Variants in TBX1 observed in about 807,000 individuals in gnomAD.
The protein encoded by TBX1 is T-box transcription factor TBX1.
In TBX1, 16 loss-of-function variants were observed where a neutral mutation model predicts 40.8. The observed-to-expected ratio is 0.39, with a 90% CI of 0.27 to 0.60. TBX1 has a LOEUF of 0.60. Ranked by LOEUF, TBX1 falls within the 20% of genes least tolerant of loss-of-function variation. The pLI, the probability that TBX1 is intolerant of heterozygous loss-of-function variation, is 0.51. For missense variants in TBX1, 755 were observed against 728.5 expected (o/e 1.04, Z -0.42); for synonymous variants, 403 against 336.8 (o/e 1.20, Z -2.15).
chr22:19,762,683 G>C (rs1401245315), intron 1 of TBX1, among the ~76,000 whole-genome samples: 7 of 152,094 alleles, frequency 4.6e-5, no homozygotes, highest in Non-Finnish European at 1.0e-4. Context: ...CTTATCATGG[G>C]GCCATGATAG....
chr22:19,766,331 C>T (rs1221004873), intron 6 of TBX1, 58 bp from the exon 7 acceptor site: 2 of 1,234,978 alleles, frequency 1.6e-6, no homozygotes, highest in Non-Finnish European at 2.0e-6. Context: ...TCGCATGGGG[C>T]GTCGGAGCTC....
At chr22:19,769,505 G>A (rs899589335), downstream of TBX1, among the ~76,000 whole-genome samples, 4 of 152,228 alleles carry the variant, frequency 2.6e-5, no homozygotes, top group Non-Finnish European at 4.4e-5. Context: ...GGCAGCTTCC[G>A]CTGGCTGTGT....
At chr22:19,758,382 G>C (rs1271911842), upstream of TBX1, among the ~76,000 whole-genome samples, 2 of 152,222 alleles carry the variant, frequency 1.3e-5, no homozygotes, top group African/African-American at 4.8e-5. Context: ...GAGAGGCCCT[G>C]TACAGGAAAG....
At chr22:19,776,637 C>T (rs1171776085) in intron 8 of TBX1, among the ~76,000 whole-genome samples, 1 of 152,160 alleles carries the variant, frequency 6.6e-6, no homozygotes, top group African/African-American at 2.4e-5. Context: ...AAAAGCAGAA[C>T]CGCATGTGAT....
chr22:19,766,501 C>T lies in TBX1; in HGVS notation c.1149C>T (p.Pro383=). ...CCCGGGTGCTAAGCCCCTCGCTGCC[C>T]GGGGCCGGCGGCGCCGGCGGCTTAG... The part of the protein sequence containing the change: ...LLARVLSPSL[P]GAGGAGGLVP... The change falls in exon 7 of 7, where the codon CCC becomes CCT. Residue 383 remains proline (P), a synonymous_variant. Transcript: ENST00000649276. 7.6e-7 allele frequency: 1 copy of T among 1,309,500 alleles called. No homozygotes were observed. Among genetic ancestry groups the T allele is most frequent in the South Asian group, 2.1e-5 (1 of 47,836 alleles). 81.1% of individuals were successfully genotyped at this position (1,309,500 alleles called of 1,614,324 possible). A position where few individuals can be genotyped will look rare whatever the true frequency, so the allele number is the denominator to read the frequency against.
At chr22:19,770,041 G>A (rs932289671), downstream of TBX1, among the ~76,000 whole-genome samples, 2 of 152,218 alleles carry the variant, frequency 1.3e-5, no homozygotes, top group East Asian at 1.9e-4. Context: ...TAGGGGGCTC[G>A]TCCCACCGCT....
downstream of TBX1, chr22:19,783,057 C>A: frequency 1.2e-6 from 1 of 815,196 alleles, no homozygotes; most frequent in Non-Finnish European, 2.2e-6. Context: ...CTGTGCCCAG[C>A]CCCTGAATGA....
intron 2 of TBX1, 104 bp from the exon 3 acceptor site, chr22:19,764,051 G>A (rs1569021032): frequency 5.3e-6 from 7 of 1,317,656 alleles, no homozygotes; most frequent in Non-Finnish European, 7.4e-6. Context: ...CAATCTCACA[G>A]GTGGGGAAAC....
At chr22:19,773,940 G>T (rs1304332100) in intron 8 of TBX1, among the ~76,000 whole-genome samples, 1 of 152,260 alleles carries the variant, frequency 6.6e-6, no homozygotes, top group Non-Finnish European at 1.5e-5. Context: ...TATTCCAGTA[G>T]TAGCTGTTTC....
intron 6 of TBX1, 97 bp downstream of exon 6, chr22:19,766,099 C>A (rs1936831499): frequency 9.2e-7 from 1 of 1,083,232 alleles, no homozygotes; most frequent in Non-Finnish European, 1.2e-6. Context: ...CCGGGGCGCT[C>A]CAGGCTTTCG....
At chr22:19,773,101 G>A (rs567189618) in intron 8 of TBX1, among the ~76,000 whole-genome samples, 2 of 152,226 alleles carry the variant, frequency 1.3e-5, no homozygotes, top group Non-Finnish European at 2.9e-5. Context: ...TTACGAGCAC[G>A]GGCGTTGAGC....
chr22:19,757,871 CAG>C, upstream of TBX1, among the ~76,000 whole-genome samples: 1 of 152,324 alleles, frequency 6.6e-6, no homozygotes, highest in Middle Eastern at 3.4e-3. Flanking sequence ...AATGACTACT[CAG>C]GGCAAGAAAA....
intron 3 of TBX1, among the ~76,000 whole-genome samples, 185 bp from the exon 4 acceptor site, chr22:19,764,773 C>G (rs1029025558): frequency 2.0e-4 from 30 of 152,344 alleles, no homozygotes; most frequent in African/African-American, 7.2e-4. Flanking sequence ...TCATTCCTGG[C>G]AGTTGCCAAT....
Position 19,766,639 on chromosome 22 carries a change from C to T in TBX1, c.1287C>T (p.Ala429=), listed in dbSNP as rs371557427. 8 of 1,551,204 alleles carry T rather than the reference C, an allele frequency of 5.2e-6. No homozygotes were observed. Among genetic ancestry groups the T allele is most frequent in the Admixed American group, 1.8e-5 (1 of 55,634 alleles). ...PLHHHPYKYP[A]AAYDHYLGAK... is the part of the protein sequence containing the mutation. The stretch of plus-strand genomic sequence containing the variant: ...ACCACCACCCCTACAAATATCCGGC[C>T]GCCGCCTACGACCACTATCTCGGGG... Residue 429 remains alanine (A), a synonymous_variant, in exon 7 of 7, where the codon GCC becomes GCT. Coordinates refer to ENST00000649276, the MANE Select transcript of TBX1 (RefSeq NM_001379200.1).
At chr22:19,758,672 G>A (rs72646939), upstream of TBX1, among the ~76,000 whole-genome samples, 470 of 152,174 alleles carry the variant, frequency 3.1e-3, no homozygotes, top group Non-Finnish European at 4.1e-3. Flanking sequence ...CTCCGCCCCC[G>A]GCCCTCCCTG....
chr22:19,768,172 C>T (rs1018293427), downstream of TBX1, among the ~76,000 whole-genome samples: 1 of 152,148 alleles, frequency 6.6e-6, no homozygotes, highest in African/African-American at 2.4e-5. Context: ...TGCACGTGGC[C>T]GAGGCTCTGT....
downstream of TBX1, among the ~76,000 whole-genome samples, chr22:19,782,131 A>AT (rs763185227): frequency 7.9e-5 from 12 of 152,212 alleles, no homozygotes; most frequent in Non-Finnish European, 1.6e-4. Flanking sequence ...TGTTTTAGCT[A>AT]TTAAGGGGTC....
At chr22:19,758,058 G>A (rs1017770033), upstream of TBX1, among the ~76,000 whole-genome samples, 2 of 152,078 alleles carry the variant, frequency 1.3e-5, no homozygotes, top group Non-Finnish European at 2.9e-5. Flanking sequence ...ACTCACATGC[G>A]TTCCTGAACC....
Position 19,765,112 on chromosome 22 carries a change from G to A in TBX1, c.866G>A (p.Arg289Gln), listed in dbSNP as rs780800634. Residue 289 changes from arginine (R) to glutamine (Q), a missense_variant and splice_region_variant, in exon 4 of 7, where the codon CGG becomes CAG. Around this residue, in one of 3 missense-constraint regions of TBX1, gnomAD observed 144 missense variants for 238.0 expected, o/e 0.61. Coordinates refer to ENST00000649276, the MANE Select transcript of TBX1 (RefSeq NM_001379200.1). ...FTAVTAYQNHRITQLKIASNP... is the reference protein window; with the variant it reads ...FTAVTAYQNHQITQLKIASNP... The stretch of plus-strand genomic sequence containing the variant: ...GCGGTCACTGCCTACCAGAACCATC[G>A]GGTGAGGGCCTGTGGGGAGGACCTG... The A allele has an allele frequency of 1.2e-6, 2 of 1,614,146 alleles. No homozygotes were observed. Among genetic ancestry groups the A allele is most frequent in the African/African-American group, 1.3e-5 (1 of 75,062 alleles).
Sources: allele counts gnomAD v4.1 joint callset (sites outside exome capture counted in the v4.1 genomes callset), GRCh38; gene constraint gnomAD v4.1.1; regional missense constraint gnomAD v4.1.1; transcripts MANE v1.5; gene names NCBI Gene and HGNC (gene_info 2026-07-23, HGNC 2026-07-21).